The following ENPP3 variants were observed in gnomAD, a reference collection of about 807,000 sequenced individuals.
The protein encoded by ENPP3 is ectonucleotide pyrophosphatase/phosphodiesterase family member 3.
ENPP3 carries 104 observed loss-of-function variants against 117.8 expected under a neutral mutation model. That is an observed-to-expected ratio of 0.88 (90% CI 0.75 to 1.04). ENPP3 has a LOEUF of 1.04. Among genes scored for constraint, ENPP3 ranks in the 50% least tolerant of loss-of-function variants. The probability of loss-of-function intolerance (pLI) is 0.00; values close to 1 mark genes in which losing one functional copy is unlikely to be tolerated. For synonymous variants in ENPP3, 380 were observed against 349.9 expected, an observed-to-expected ratio of 1.09 and a Z score of -0.96; for missense variants, 1,026 against 1,051.9, an observed-to-expected ratio of 0.98 and a Z score of 0.34.
intron 20 of ENPP3, among the ~76,000 whole-genome samples, chr6:131,730,788 G>A (rs1780261169): frequency 6.6e-6 from 1 of 152,038 alleles, no homozygotes; most frequent in South Asian, 2.1e-4. Flanking sequence ...GGTGGCGCAT[G>A]CCTGTAATCC....
chr6:131,732,710 CATTATTATTATTATTATT>C (rs71030755), intron 20 of ENPP3, among the ~76,000 whole-genome samples: 3 of 131,750 alleles, frequency 2.3e-5, no homozygotes, highest in African/African-American at 8.4e-5. Context: ...TGGCCTAAGA[CATTATTATTATTATTATT>C]ATTATTATTA....
Position 131,709,797 on chromosome 6 carries a change from A to G in ENPP3, c.1413-8875A>G, listed in dbSNP as rs764486428. 1.2e-5 allele frequency: 20 copies of G among 1,612,776 alleles called. 1 individual carries two copies. The South Asian group carries it at 2.2e-4, about 18-fold the overall frequency. On this transcript the variant is annotated intron_variant, in intron 15 of 24. Coordinates refer to ENST00000357639, the MANE Select transcript of ENPP3 (RefSeq NM_005021.5). The stretch of plus-strand genomic sequence containing the variant: ...GCTTCTCTTCTTCCTCTATTCGGTA[A>G]TTTTCCTCCACTGTTAATTTCCTGT...
chr6:131,677,944 A>C lies in ENPP3; in HGVS notation c.1011+4A>C, dbSNP rs757248182. On this transcript the variant is annotated splice_donor_region_variant and intron_variant, in intron 11 of 24. Transcript: ENST00000357639. ...AGGTGGACCAGTCAGTGCCAGAGTA[A>C]GTTGTTGTTTTCTTAAAAGAAAAAA... The C allele has an allele frequency of 6.3e-7, 1 of 1,585,310 alleles. No homozygotes were observed. The highest frequency in any genetic ancestry group is 1.1e-5 in the South Asian group (1 of 88,604).
At chr6:131,661,053 C>A (rs1164675482) in intron 6 of ENPP3, among the ~76,000 whole-genome samples, 2 of 152,254 alleles carry the variant, frequency 1.3e-5, no homozygotes, top group East Asian at 3.9e-4. Context: ...TCACATGTTG[C>A]AAGATTTTCC....
chr6:131,674,544 G>A, intron 8 of ENPP3: 2 of 436,936 alleles, frequency 4.6e-6, no homozygotes, highest in Non-Finnish European at 4.1e-6. Context: ...ATCTGTTAAT[G>A]TTTTTCCTCA....
At chr6:131,650,692 A>G (rs79151243) in intron 3 of ENPP3, among the ~76,000 whole-genome samples, 5,932 of 152,272 alleles carry the variant, frequency 0.039, 394 homozygotes, top group African/African-American at 0.13. Flanking sequence ...TGAAGACTCC[A>G]AAAGAGAATC....
At chr6:131,729,238 T>C (rs1780222874) in intron 20 of ENPP3, among the ~76,000 whole-genome samples, 1 of 152,212 alleles carries the variant, frequency 6.6e-6, no homozygotes, top group South Asian at 2.1e-4. Context: ...TATGAAAGAA[T>C]TATTTTTCCC....
At chr6:131,722,680 C>A (rs1324618796) in intron 18 of ENPP3, among the ~76,000 whole-genome samples, 4 of 152,190 alleles carry the variant, frequency 2.6e-5, no homozygotes, top group African/African-American at 9.7e-5. Flanking sequence ...CCATTCAATA[C>A]AGTAATCTTC....
chr6:131,644,327 G>A (rs1778113300), intron 2 of ENPP3, among the ~76,000 whole-genome samples: 1 of 152,202 alleles, frequency 6.6e-6, no homozygotes, highest in Non-Finnish European at 1.5e-5. Flanking sequence ...GGGCTGCTGT[G>A]TTATGAATAG....
chr6:131,733,541 T>C, intron 20 of ENPP3, 47 bp from the exon 21 acceptor site: 2 of 1,590,896 alleles, frequency 1.3e-6, no homozygotes, highest in South Asian at 2.3e-5. Context: ...AGGCAATGGG[T>C]GAGCCGCAAT....
intron 20 of ENPP3, among the ~76,000 whole-genome samples, chr6:131,727,269 C>CTTAGGGCCA (rs2114544359): frequency 6.6e-6 from 1 of 152,156 alleles, no homozygotes; most frequent in African/African-American, 2.4e-5. Context: ...TAAAACAAAA[C>CTTAGGGCCA]TTAGGGCCAG....
chr6:131,639,199 C>T (rs1027042575), intron 1 of ENPP3, among the ~76,000 whole-genome samples: 29 of 150,534 alleles, frequency 1.9e-4, no homozygotes, highest in East Asian at 7.8e-4. Flanking sequence ...TATTCTTTAT[C>T]CTTCTGAGAA....
chr6:131,678,958 T>TTCCTTCC (rs1778942861), intron 11 of ENPP3, among the ~76,000 whole-genome samples: 1 of 82,928 alleles, frequency 1.2e-5, no homozygotes, highest in African/African-American at 7.0e-5. Flanking sequence ...TCTTTCTTTC[T>TTCCTTCC]TTCCTTCCTT....
chr6:131,746,420 A>G (rs988159399), intron 24 of ENPP3, among the ~76,000 whole-genome samples: 8 of 152,206 alleles, frequency 5.3e-5, no homozygotes, highest in Non-Finnish European at 1.2e-4. Flanking sequence ...TACATATTGT[A>G]TAGTGATGTA....
rs149225390 is a variant in ENPP3, at chr6:131,661,204, T to G, written c.562+2784T>G. ...CAGTGAACATGGGAGTGCTAATATC[T>G]CTTTGAGATCCTGATTTCAACCCTT... On this transcript the variant is annotated intron_variant, in intron 6 of 24. Transcript: ENST00000357639. Among the ~76,000 whole-genome samples, 43 of 152,252 alleles carry G rather than the reference T, an allele frequency of 2.8e-4. No homozygotes were observed. In the East Asian group the frequency reaches 7.5e-3, roughly 27 times the overall value.
intron 6 of ENPP3, among the ~76,000 whole-genome samples, chr6:131,666,713 T>C (rs1778623365): frequency 6.6e-6 from 1 of 152,264 alleles, no homozygotes; most frequent in African/African-American, 2.4e-5. Flanking sequence ...CTCTGCTTCA[T>C]TCAGGTCAAT....
chr6:131,654,115 A>T (rs894912034), intron 5 of ENPP3, among the ~76,000 whole-genome samples: 3 of 102,394 alleles, frequency 2.9e-5, no homozygotes, highest in African/African-American at 8.3e-5. Flanking sequence ...AAGTTTTATT[A>T]TTATTATTAT....
chr6:131,738,173 T>C lies in ENPP3; in HGVS notation c.2300+10T>C, dbSNP rs769996917. ...CAGATGAAATTACCAAGTAAGTGAT[T>C]TGACTTTTTGATTTATCAATAGGGT... is the stretch of plus-strand genomic sequence containing the variant. On this transcript the variant is annotated intron_variant, in intron 23 of 24. Transcript: ENST00000357639. The C allele has an allele frequency of 1.9e-6, 3 of 1,608,304 alleles. No individual in the cohort carries two copies. In the South Asian group the frequency reaches 3.3e-5, roughly 18 times the overall value.
intron 5 of ENPP3, among the ~76,000 whole-genome samples, chr6:131,655,336 C>T (rs2114327219): frequency 6.6e-6 from 1 of 152,302 alleles, no homozygotes; most frequent in East Asian, 1.9e-4. Context: ...CTTATAAAAA[C>T]CCTTTGGCTC....
Sources: allele counts gnomAD v4.1 joint callset (sites outside exome capture counted in the v4.1 genomes callset), GRCh38; gene constraint gnomAD v4.1.1; transcripts MANE v1.5; gene names NCBI Gene and HGNC (gene_info 2026-07-23, HGNC 2026-07-21).